The following PSEN1 variants were observed in gnomAD, a reference collection of about 807,000 sequenced individuals.
PSEN1 encodes presenilin 1.
A neutral mutation model predicts 53.5 loss-of-function variants in PSEN1; 15 were observed. That is an observed-to-expected ratio of 0.28 (90% confidence interval 0.19 to 0.43). The LOEUF (loss-of-function observed/expected upper bound fraction) is 0.43, where lower values mean the gene tolerates loss of function less well. PSEN1 is among the 20% of genes least tolerant of loss of function. The probability of loss-of-function intolerance (pLI) is 1.00; values close to 1 mark genes in which losing one functional copy is unlikely to be tolerated. For synonymous variants in PSEN1, 208 were observed against 209.8 expected (o/e 0.99, Z 0.08); for missense variants, 387 against 571.2 (o/e 0.68, Z 3.29).
chr14:73,156,905 G>A (rs187725305), intron 3 of PSEN1, among the ~76,000 whole-genome samples: 3 of 152,026 alleles, frequency 2.0e-5, no homozygotes, highest in East Asian at 1.9e-4. Flanking sequence ...CTTGTGATCC[G>A]CCCGCCTGGG....
chr14:73,202,317 G>GAATT (rs1899223108), intron 8 of PSEN1, among the ~76,000 whole-genome samples: 4 of 148,416 alleles, frequency 2.7e-5, no homozygotes, highest in South Asian at 2.1e-4. Context: ...GATGGGTGAG[G>GAATT]AATTAGGACC....
At chr14:73,140,202 CTTTTTT>C (rs35223948) in intron 1 of PSEN1, among the ~76,000 whole-genome samples, 5 of 73,042 alleles carry the variant, frequency 6.8e-5, no homozygotes, top group South Asian at 5.7e-4. Flanking sequence ...TTTTGCTATT[CTTTTTT>C]TTTTTTTTTT....
chr14:73,159,035 C>T (rs999808896), intron 3 of PSEN1, among the ~76,000 whole-genome samples: 16 of 152,182 alleles, frequency 1.1e-4, no homozygotes, highest in Admixed American at 9.2e-4. Flanking sequence ...AAATCTCTTG[C>T]CCATTTAAAA....
intron 3 of PSEN1, among the ~76,000 whole-genome samples, chr14:73,160,756 T>TA (rs1897504982): frequency 6.7e-6 from 1 of 149,748 alleles, no homozygotes. Context: ...TTTGCCCATC[T>TA]AAAAAAATCT....
intron 3 of PSEN1, among the ~76,000 whole-genome samples, chr14:73,158,987 T>G (rs1897448558): frequency 1.3e-5 from 2 of 152,238 alleles, no homozygotes; most frequent in South Asian, 4.1e-4. Context: ...TCTTTTCATG[T>G]GCTTGTCATC....
At chr14:73,188,952 G>A (rs905060420) in intron 6 of PSEN1, among the ~76,000 whole-genome samples, 32 of 151,946 alleles carry the variant, frequency 2.1e-4, no homozygotes, top group Admixed American at 2.0e-3. Flanking sequence ...CACTATGCCC[G>A]GCTAATTTTT....
intron 5 of PSEN1, 176 bp downstream of exon 5, chr14:73,173,883 C>CCCCT: frequency 1.3e-6 from 1 of 793,358 alleles, no homozygotes; most frequent in Non-Finnish European, 2.1e-6. Context: ...AAAAAGGAAG[C>CCCCT]CAGGTGCATG....
chr14:73,179,733 C>T (rs1898151081), intron 5 of PSEN1, among the ~76,000 whole-genome samples: 2 of 152,286 alleles, frequency 1.3e-5, no homozygotes, highest in South Asian at 4.1e-4. Flanking sequence ...TGCTAATGCC[C>T]ACTCATGTTG....
chr14:73,193,390 C>T (rs148998082), intron 7 of PSEN1, among the ~76,000 whole-genome samples: 2,209 of 151,550 alleles, frequency 0.015, 46 homozygotes, highest in African/African-American at 0.048. Context: ...ACTAAAAATA[C>T]AAAAATTAGC....
chr14:73,177,590 C>T (rs1898082831), intron 5 of PSEN1, among the ~76,000 whole-genome samples: 1 of 152,128 alleles, frequency 6.6e-6, no homozygotes, highest in Non-Finnish European at 1.5e-5. Flanking sequence ...TTTAATTTTT[C>T]TTCCCCTTAG....
chr14:73,157,224 C>T (rs559836384), intron 3 of PSEN1, among the ~76,000 whole-genome samples: 55 of 151,692 alleles, frequency 3.6e-4, no homozygotes, highest in African/African-American at 1.3e-3. Context: ...CTCCTGGGTT[C>T]AAGCGATTCT....
chr14:73,218,287 A>G (rs1900006047), intron 11 of PSEN1, among the ~76,000 whole-genome samples: 1 of 151,838 alleles, frequency 6.6e-6, no homozygotes, highest in South Asian at 2.1e-4. Context: ...AGGTTTTGCC[A>G]CATTGCCCAG....
intron 3 of PSEN1, among the ~76,000 whole-genome samples, chr14:73,162,743 G>T (rs997328480): frequency 6.6e-6 from 1 of 152,142 alleles, no homozygotes; most frequent in African/African-American, 2.4e-5. Flanking sequence ...ACAAAATGCT[G>T]CATGGTGCAT....
rs1377319441 is a variant in PSEN1, at chr14:73,138,959, T to TCTC, written c.-136+2378_-136+2379insCCT. On this transcript the variant is annotated intron_variant, in intron 1 of 11. Transcript: ENST00000324501. ...TCCAGCCTGGGCGACAGAGCCAGAC[T>TCTC]CTGTCAAGAAAAAAAGAAAAAAAAT... Among the ~76,000 whole-genome samples, 3 of 138,830 alleles carry TCTC rather than the reference T, an allele frequency of 2.2e-5. No homozygotes were observed. The East Asian group carries it at 6.5e-4, about 30-fold the overall frequency. 91.1% of individuals were successfully genotyped at this position (138,830 alleles called of 152,430 possible).
intron 10 of PSEN1, among the ~76,000 whole-genome samples, chr14:73,214,479 G>T (rs1383822536): frequency 6.8e-6 from 1 of 147,764 alleles, no homozygotes; most frequent in African/African-American, 2.5e-5. Flanking sequence ...GCAGTGAGCT[G>T]AGATCATACC....
In PSEN1 at chr14:73,181,956, T is replaced by A. The variant is rs1301196920; in HGVS notation, c.481-4897T>A. 2.6e-5 allele frequency among the ~76,000 whole-genome samples: 4 copies of A among 152,116 alleles called. No homozygotes were observed. The East Asian group carries it at 5.8e-4, about 22-fold the overall frequency. On this transcript the variant is annotated intron_variant, in intron 5 of 11. Transcript: ENST00000324501. ...GCCTAGCTAATGTTCGTATTTTTAG[T>A]AGAGACGGGGTTTTGGCATGTTGGT...
At chr14:73,197,051 GC>G (rs1322061859) in intron 7 of PSEN1, among the ~76,000 whole-genome samples, 1 of 151,010 alleles carries the variant, frequency 6.6e-6, no homozygotes, top group African/African-American at 2.4e-5. Flanking sequence ...TCCTGCCTCA[GC>G]CTCCCGAGTA....
intron 10 of PSEN1, among the ~76,000 whole-genome samples, chr14:73,215,161 A>T (rs1366242064): frequency 6.6e-6 from 1 of 151,838 alleles, no homozygotes; most frequent in Non-Finnish European, 1.5e-5. Context: ...AGGTTTCACC[A>T]TGTTGGCCAG....
intron 1 of PSEN1, among the ~76,000 whole-genome samples, chr14:73,140,639 A>G (rs1896899455): frequency 6.6e-6 from 1 of 152,120 alleles, no homozygotes; most frequent in Non-Finnish European, 1.5e-5. Flanking sequence ...TTCTGCTTCT[A>G]AGACCCTGTA....
Sources: allele counts gnomAD v4.1 joint callset (sites outside exome capture counted in the v4.1 genomes callset), GRCh38; gene constraint gnomAD v4.1.1; transcripts MANE v1.5; gene names NCBI Gene and HGNC (gene_info 2026-07-23, HGNC 2026-07-21).